Variants in ZNF277 observed in about 807,000 individuals in gnomAD.
ZNF277 encodes the protein nuclear receptor-interacting factor 4.
Under a neutral mutation model 60.7 loss-of-function variants are expected in ZNF277, and 55 were observed. The observed-to-expected ratio is 0.91, with a 90% CI of 0.73 to 1.13. The LOEUF (loss-of-function observed/expected upper bound fraction) is 1.13. ZNF277 is among the 50% of genes most tolerant of loss of function. The pLI, the probability that ZNF277 is intolerant of heterozygous loss-of-function variation, is 0.00. For missense variants in ZNF277, 510 were observed against 523.0 expected, an observed-to-expected ratio of 0.98 and a Z score of 0.24; for synonymous variants, 178 against 179.3, an observed-to-expected ratio of 0.99 and a Z score of 0.06.
At chr7:112,300,019 C>A (rs774576802) in intron 4 of ZNF277, among the ~76,000 whole-genome samples, 2 of 152,162 alleles carry the variant, frequency 1.3e-5, no homozygotes, top group Non-Finnish European at 2.9e-5. Context: ...ATTTAAACAT[C>A]CTTCCTAGTC....
At chr7:112,242,732 G>A (rs1790990242) in intron 1 of ZNF277, among the ~76,000 whole-genome samples, 1 of 151,960 alleles carries the variant, frequency 6.6e-6, no homozygotes, top group African/African-American at 2.4e-5. Context: ...TCATTAAATT[G>A]ACCATACTGC....
rs553664614 is a variant in ZNF277 at position 112,336,269 on chromosome 7, A to G, written c.869+98A>G. ...AATTATGAAGCGGGAACATAAGAAG[A>G]AAAAAATACCTTCTCTGAGCCATGC... On this transcript the variant is annotated intron_variant, in intron 8 of 11. Transcript: ENST00000361822. 1,134 of 1,092,886 alleles carry G rather than the reference A, an allele frequency of 1.0e-3. 19 individuals are homozygous for G. In the South Asian group the frequency reaches 0.013, roughly 13 times the overall value. The allele number at this position is 1,092,886 out of a possible 1,614,324, so 67.7% of individuals were successfully genotyped here. A position where few individuals can be genotyped will look rare whatever the true frequency, so the allele number is the denominator to read the frequency against.
chr7:112,323,104 C>G (rs1793021483), intron 5 of ZNF277, among the ~76,000 whole-genome samples: 3 of 152,206 alleles, frequency 2.0e-5, no homozygotes, highest in Admixed American at 1.3e-4. Flanking sequence ...GTTTACAGTT[C>G]TGGTTTAGCC....
intron 1 of ZNF277, among the ~76,000 whole-genome samples, chr7:112,236,134 C>T (rs921317027): frequency 1.1e-4 from 16 of 152,042 alleles, no homozygotes; most frequent in African/African-American, 3.6e-4. Context: ...ATCTTAATTA[C>T]TGTAGCGTTT....
intron 4 of ZNF277, among the ~76,000 whole-genome samples, chr7:112,299,137 A>G (rs946880850): frequency 3.9e-5 from 6 of 152,196 alleles, no homozygotes; most frequent in South Asian, 2.1e-4. Context: ...TGAATTTGCC[A>G]TCAGCCAGTT....
chr7:112,307,110 T>C (rs1238359899), intron 4 of ZNF277, among the ~76,000 whole-genome samples: 1 of 152,132 alleles, frequency 6.6e-6, no homozygotes, highest in East Asian at 1.9e-4. Context: ...AGAAGCAAGC[T>C]GGGGTTCGTG....
At chr7:112,321,656 G>A (rs910463517) in intron 5 of ZNF277, among the ~76,000 whole-genome samples, 1 of 152,182 alleles carries the variant, frequency 6.6e-6, no homozygotes, top group Admixed American at 6.5e-5. Flanking sequence ...AGATCTGCTA[G>A]TAATGAATTC....
At chr7:112,334,402 C>CTTTTTTTT (rs534868007) in intron 7 of ZNF277, among the ~76,000 whole-genome samples, 1 of 121,164 alleles carries the variant, frequency 8.3e-6, no homozygotes, top group African/African-American at 3.0e-5. Context: ...GAGTTATGTG[C>CTTTTTTTT]TTTTTTTTTT....
chr7:112,253,354 A>G (rs985725232), intron 1 of ZNF277, among the ~76,000 whole-genome samples: 1 of 152,208 alleles, frequency 6.6e-6, no homozygotes, highest in Non-Finnish European at 1.5e-5. Flanking sequence ...AAATTCTAAT[A>G]TAAGTATCGT....
At chr7:112,261,221 T>C (rs1791431076) in intron 1 of ZNF277, among the ~76,000 whole-genome samples, 1 of 152,226 alleles carries the variant, frequency 6.6e-6, no homozygotes. Context: ...TTATCTGGTG[T>C]CATCAGCTTC....
chr7:112,262,092 C>T (rs923150529), intron 1 of ZNF277, among the ~76,000 whole-genome samples: 1 of 151,898 alleles, frequency 6.6e-6, no homozygotes, highest in African/African-American at 2.4e-5. Flanking sequence ...TTTTCTATTT[C>T]TCTACAATGA....
chr7:112,296,353 C>G (rs1584387622), intron 4 of ZNF277, 42 bp downstream of exon 4: 8 of 877,220 alleles, frequency 9.1e-6, no homozygotes, highest in Non-Finnish European at 1.0e-5. Context: ...CTTGAAAATA[C>G]ATATAAATAC....
intron 4 of ZNF277, among the ~76,000 whole-genome samples, chr7:112,316,848 C>T (rs561825563): frequency 3.9e-5 from 6 of 152,048 alleles, no homozygotes; most frequent in Admixed American, 6.6e-5. Context: ...AAGACACATG[C>T]ACACATATGT....
chr7:112,310,065 T>C (rs771244170), intron 4 of ZNF277, among the ~76,000 whole-genome samples: 6 of 152,108 alleles, frequency 3.9e-5, no homozygotes, highest in Non-Finnish European at 7.4e-5. Context: ...AGAGTTTTTA[T>C]TGTGGCTTCA....
chr7:112,231,879 A>G (rs1390216720), intron 1 of ZNF277, among the ~76,000 whole-genome samples: 1 of 151,934 alleles, frequency 6.6e-6, no homozygotes, highest in Non-Finnish European at 1.5e-5. Context: ...GAAATAGGTC[A>G]TTTTGAGTGA....
chr7:112,296,929 T>TA (rs1563219789), intron 4 of ZNF277, among the ~76,000 whole-genome samples: 25 of 89,050 alleles, frequency 2.8e-4, no homozygotes, highest in Non-Finnish European at 5.2e-4. Context: ...TTTTTTTTTT[T>TA]TTTTTTTTTT....
At chr7:112,247,408 A>T (rs928827846) in intron 1 of ZNF277, among the ~76,000 whole-genome samples, 1 of 152,202 alleles carries the variant, frequency 6.6e-6, no homozygotes, top group Admixed American at 6.5e-5. Context: ...GATTGACATG[A>T]GCAAATTGTA....
intron 5 of ZNF277, among the ~76,000 whole-genome samples, chr7:112,322,643 G>T (rs1793009677): frequency 6.6e-6 from 1 of 151,962 alleles, no homozygotes; most frequent in South Asian, 2.1e-4. Flanking sequence ...TTAGACAGGG[G>T]TTTCTTTAGT....
rs575047258 is a variant in ZNF277 at position 112,318,610 on chromosome 7, C to T, written c.557+337C>T. Among the ~76,000 whole-genome samples, 7 of 152,184 alleles carry T rather than the reference C, an allele frequency of 4.6e-5. No individual in the cohort carries two copies. In the South Asian group the frequency reaches 8.3e-4, roughly 18 times the overall value. ...CTTCTAAATCATTGGTAACTTTTCA[C>T]TTTTGGTTATTAAAAATAAAGACAT... is the stretch of plus-strand genomic sequence containing the variant. On this transcript the variant is annotated intron_variant, in intron 5 of 11. Transcript: ENST00000361822.
Sources: allele counts gnomAD v4.1 joint callset (sites outside exome capture counted in the v4.1 genomes callset), GRCh38; gene constraint gnomAD v4.1.1; transcripts MANE v1.5; gene names NCBI Gene and HGNC (gene_info 2026-07-23, HGNC 2026-07-21).